Variants in SUGCT observed in about 807,000 individuals in gnomAD.
SUGCT encodes succinyl-CoA:glutarate-CoA transferase, also known as succinyl-CoA:glutarate CoA-transferase.
Under a neutral mutation model 55.0 loss-of-function variants are expected in SUGCT, and 41 were observed. That is an observed-to-expected ratio of 0.74 (90% confidence interval 0.58 to 0.97). SUGCT has a LOEUF of 0.97. SUGCT is among the 50% of genes least tolerant of loss of function. SUGCT has a pLI of 0.00. For synonymous variants in SUGCT, 187 were observed against 200.4 expected, an observed-to-expected ratio of 0.93 and a Z score of 0.56; for missense variants, 568 against 547.8, an observed-to-expected ratio of 1.04 and a Z score of -0.37.
the SUGCT span, among the ~76,000 whole-genome samples, chr7:41,020,830 A>G: frequency 6.6e-6 from 1 of 152,226 alleles, no homozygotes; most frequent in South Asian, 2.1e-4. Context: ...AAAATGAATC[A>G]AAGGAATCCC....
the SUGCT span, among the ~76,000 whole-genome samples, chr7:40,952,275 C>T: frequency 6.6e-6 from 1 of 152,046 alleles, no homozygotes; most frequent in Non-Finnish European, 1.5e-5. Context: ...AGGAATGCAA[C>T]CCCTGCCGTT....
intron 9 of SUGCT, among the ~76,000 whole-genome samples, chr7:40,445,328 C>G (rs1035071030): frequency 4.6e-5 from 7 of 152,088 alleles, no homozygotes; most frequent in Admixed American, 2.6e-4. Context: ...CACCACTGAT[C>G]CCACAGAAAT....
chr7:40,352,045 A>G (rs73688058), intron 9 of SUGCT, among the ~76,000 whole-genome samples: 2,280 of 152,318 alleles, frequency 0.015, 47 homozygotes, highest in South Asian at 0.057. Context: ...ATTTTGCATC[A>G]GTGGTTTTCA....
At chr7:40,522,771 G>A (rs988675401) in intron 12 of SUGCT, among the ~76,000 whole-genome samples, 5 of 152,002 alleles carry the variant, frequency 3.3e-5, no homozygotes, top group African/African-American at 1.2e-4. Flanking sequence ...CCCACAAATT[G>A]CAGATATAAT....
intron 6 of SUGCT, among the ~76,000 whole-genome samples, chr7:40,208,993 T>C (rs1335758874): frequency 6.6e-6 from 1 of 152,220 alleles, no homozygotes; most frequent in Non-Finnish European, 1.5e-5. Context: ...ATCCTCAAAA[T>C]TCTATTCCAT....
At chr7:40,297,702 A>G (rs541023446) in intron 8 of SUGCT, among the ~76,000 whole-genome samples, 1 of 152,238 alleles carries the variant, frequency 6.6e-6, no homozygotes, top group South Asian at 2.1e-4. Context: ...CTACAGATAA[A>G]ACTGTTATTC....
intron 12 of SUGCT, among the ~76,000 whole-genome samples, chr7:40,724,494 C>T (rs913630856): frequency 2.0e-5 from 3 of 151,388 alleles, no homozygotes; most frequent in African/African-American, 7.3e-5. Context: ...ACCTGGGAGG[C>T]GGAGCTTGCA....
At chr7:40,435,093 A>G (rs754872265) in intron 9 of SUGCT, among the ~76,000 whole-genome samples, 7 of 152,138 alleles carry the variant, frequency 4.6e-5, no homozygotes, top group Non-Finnish European at 7.4e-5. Flanking sequence ...GATGGCAAAT[A>G]TATTTTATTA....
chr7:40,405,432 G>A (rs1442284035), intron 9 of SUGCT, among the ~76,000 whole-genome samples: 1 of 152,080 alleles, frequency 6.6e-6, no homozygotes, highest in Non-Finnish European at 1.5e-5. Context: ...ATTTGAACAT[G>A]TTTTAATTAT....
chr7:40,605,995 G>A (rs1217421810), intron 12 of SUGCT, among the ~76,000 whole-genome samples: 8 of 152,140 alleles, frequency 5.3e-5, no homozygotes, highest in African/African-American at 1.7e-4. Flanking sequence ...AGATTGCATC[G>A]TATTCAGTCG....
chr7:40,324,507 C>T (rs1044760853), intron 9 of SUGCT, among the ~76,000 whole-genome samples: 18 of 151,980 alleles, frequency 1.2e-4, no homozygotes, highest in African/African-American at 3.6e-4. Context: ...CCACCTGCCT[C>T]GGCCTCCCAA....
At position 40,514,957 on chromosome 7, in the gene SUGCT, A is replaced by C. The variant is rs188574996; in HGVS notation, c.1089+18571A>C. Among the ~76,000 whole-genome samples, 59 of 152,352 alleles carry C rather than the reference A, an allele frequency of 3.9e-4. No homozygotes were observed. The East Asian group carries it at 0.01, about 26-fold the overall frequency. Reference sequence around the variant, plus strand: ...ATAATTTGATTCACAGAATATCCTGAAAGTGGTTAGAGAGGTCTCGTGGAC... The same window carrying C: ...ATAATTTGATTCACAGAATATCCTGCAAGTGGTTAGAGAGGTCTCGTGGAC... On this transcript the variant is annotated intron_variant, in intron 12 of 13. Coordinates refer to ENST00000335693, the MANE Select transcript of SUGCT (RefSeq NM_001193313.2).
intron 12 of SUGCT, among the ~76,000 whole-genome samples, chr7:40,552,538 A>C (rs1795353732): frequency 6.6e-6 from 1 of 152,040 alleles, no homozygotes; most frequent in South Asian, 2.1e-4. Context: ...CATGATTACC[A>C]TGCGTTGGGG....
At chr7:40,577,821 C>T (rs899576885) in intron 12 of SUGCT, among the ~76,000 whole-genome samples, 6 of 152,230 alleles carry the variant, frequency 3.9e-5, no homozygotes, top group African/African-American at 1.2e-4. Context: ...CAGTTTGAGC[C>T]TTAAGCTGAT....
chr7:40,946,129 C>T, the SUGCT span, among the ~76,000 whole-genome samples: 1 of 149,102 alleles, frequency 6.7e-6, no homozygotes, highest in Non-Finnish European at 1.5e-5. Flanking sequence ...TTTCATGGCA[C>T]TCTGTTCTTC....
At chr7:40,273,039 A>G (rs750824447) in intron 7 of SUGCT, among the ~76,000 whole-genome samples, 16 of 152,156 alleles carry the variant, frequency 1.1e-4, no homozygotes, top group Non-Finnish European at 2.2e-4. Context: ...TCAAGGGTCA[A>G]TGTAACTTTG....
chr7:40,391,163 C>T (rs1785410707), intron 9 of SUGCT, among the ~76,000 whole-genome samples: 1 of 152,162 alleles, frequency 6.6e-6, no homozygotes, highest in Non-Finnish European at 1.5e-5. Flanking sequence ...AAATGTTAGA[C>T]CTAAAACCAT....
At chr7:40,294,820 TA>T (rs1401445376) in intron 8 of SUGCT, among the ~76,000 whole-genome samples, 1 of 152,204 alleles carries the variant, frequency 6.6e-6, no homozygotes, top group Non-Finnish European at 1.5e-5. Flanking sequence ...GTGCTGGGAT[TA>T]CAGGTGTGAG....
the SUGCT span, among the ~76,000 whole-genome samples, chr7:40,875,079 T>C: frequency 6.6e-6 from 1 of 152,248 alleles, no homozygotes; most frequent in Non-Finnish European, 1.5e-5. Context: ...GAGTTCTAGA[T>C]GGTCTTTTCT....
Sources: gnomAD v4.1 joint callset for allele counts (sites outside exome capture counted in the v4.1 genomes callset) on GRCh38, gnomAD v4.1.1 for gene constraint, MANE v1.5 for transcripts, NCBI Gene and HGNC (gene_info 2026-07-23, HGNC 2026-07-21) for gene names.